LMO1: variants seen among roughly 807,000 people sequenced by gnomAD.
LMO1 encodes the protein LIM domain only 1.
A neutral mutation model predicts 18.0 loss-of-function variants in LMO1; 10 were observed. That is an observed-to-expected ratio of 0.55 (90% CI 0.34 to 0.94). The LOEUF (loss-of-function observed/expected upper bound fraction) is 0.94, where lower values mean the gene tolerates loss of function less well. Among genes scored for constraint, LMO1 ranks in the 40% least tolerant of loss-of-function variants. LMO1 has a pLI of 0.02. For synonymous variants in LMO1, 77 were observed against 77.9 expected, an observed-to-expected ratio of 0.99 and a Z score of 0.06; for missense variants, 183 against 205.7, an observed-to-expected ratio of 0.89 and a Z score of 0.68.
chr11:8,259,954 G>T (rs941759045), intron 1 of LMO1, among the ~76,000 whole-genome samples: 1 of 152,082 alleles, frequency 6.6e-6, no homozygotes, highest in Non-Finnish European at 1.5e-5. Context: ...CTGGTGTTTA[G>T]TTCCACAACC....
At position 8,233,861 on chromosome 11, in the gene LMO1, C is replaced by A. The variant is rs2168101; in HGVS notation, c.26-3357G>T. Among the ~76,000 whole-genome samples, 36,168 of 152,076 alleles carry A rather than the reference C, an allele frequency of 0.24. 5,286 individuals are homozygous for A. Among genetic ancestry groups the A allele is most frequent in the Non-Finnish European group, 0.3 (20,722 of 67,970 alleles). ...CATTTGGGATCCATTTTAGTGTTAT[C>A]TAAAAATCAAATCTACATGGTAATC... On this transcript the variant is annotated intron_variant, in intron 1 of 3. Transcript: ENST00000335790.
At chr11:8,240,806 C>A (rs970436678) in intron 1 of LMO1, among the ~76,000 whole-genome samples, 1 of 152,136 alleles carries the variant, frequency 6.6e-6, no homozygotes, top group African/African-American at 2.4e-5. Flanking sequence ...GACACAAACA[C>A]TCAGATCATA....
At chr11:8,251,207 G>C (rs1846985705) in intron 1 of LMO1, among the ~76,000 whole-genome samples, 1 of 152,178 alleles carries the variant, frequency 6.6e-6, no homozygotes, top group African/African-American at 2.4e-5. Context: ...AATGCAAATG[G>C]GGAAACCAAG....
At chr11:8,257,972 A>G (rs1011546624) in intron 1 of LMO1, among the ~76,000 whole-genome samples, 1 of 152,222 alleles carries the variant, frequency 6.6e-6, no homozygotes, top group Non-Finnish European at 1.5e-5. Flanking sequence ...ACAGTACCTC[A>G]CTTAATCCTG....
intron 1 of LMO1, among the ~76,000 whole-genome samples, chr11:8,255,912 A>G (rs977123103): frequency 5.4e-5 from 7 of 128,936 alleles, no homozygotes; most frequent in South Asian, 4.8e-4. Flanking sequence ...TGCAAGCTCC[A>G]CCTCCTGGGT....
chr11:8,256,131 G>A (rs995111276), intron 1 of LMO1, among the ~76,000 whole-genome samples: 2 of 152,180 alleles, frequency 1.3e-5, no homozygotes, highest in Non-Finnish European at 2.9e-5. Context: ...GGCCAATGCT[G>A]CACTTTTAAG....
chr11:8,240,207 C>T (rs912185149), intron 1 of LMO1, among the ~76,000 whole-genome samples: 2 of 152,218 alleles, frequency 1.3e-5, no homozygotes, highest in South Asian at 4.1e-4. Flanking sequence ...AAAGGTTGGG[C>T]TGCTGATCCC....
chr11:8,263,730 C>G lies in LMO1; in HGVS notation c.-368G>C, dbSNP rs1847229891. On this transcript the variant is annotated 5_prime_UTR_variant, in exon 1 of 4. Transcript: ENST00000335790. The stretch of plus-strand genomic sequence containing the variant: ...GTCTTAATGTAATTGCATTTGATAG[C>G]TCATAACCCTGTCTCTGGCAACGAC... The G allele has an allele frequency of 4.5e-6, 5 of 1,110,014 alleles. No individual in the cohort carries two copies. In the South Asian group the frequency reaches 1.7e-4, roughly 38 times the overall value. 68.8% of individuals were successfully genotyped at this position (1,110,014 alleles called of 1,614,324 possible). A position where few individuals can be genotyped will look rare whatever the true frequency, so the allele number is the denominator to read the frequency against.
upstream of LMO1, among the ~76,000 whole-genome samples, chr11:8,265,482 C>T (rs1847251960): frequency 6.6e-6 from 1 of 152,192 alleles, no homozygotes; most frequent in Non-Finnish European, 1.5e-5. Context: ...AAAAGCGCTG[C>T]TTCTAATGAG....
At chr11:8,255,913 C>T (rs1421280524) in intron 1 of LMO1, among the ~76,000 whole-genome samples, 1 of 149,494 alleles carries the variant, frequency 6.7e-6, no homozygotes, top group Non-Finnish European at 1.5e-5. Flanking sequence ...GCAAGCTCCA[C>T]CTCCTGGGTT....
intron 2 of LMO1, among the ~76,000 whole-genome samples, chr11:8,229,542 C>T (rs776389703): frequency 4.5e-4 from 69 of 152,348 alleles, no homozygotes; most frequent in Non-Finnish European, 7.8e-4. Flanking sequence ...TGGCCTCCTT[C>T]CAGCCTTGCT....
At chr11:8,260,363 T>C (rs1336005987) in intron 1 of LMO1, among the ~76,000 whole-genome samples, 1 of 152,182 alleles carries the variant, frequency 6.6e-6, no homozygotes, top group Non-Finnish European at 1.5e-5. Context: ...TCCATTTCGC[T>C]GACAGGCAGA....
intron 1 of LMO1, among the ~76,000 whole-genome samples, chr11:8,235,329 C>T (rs142136168): frequency 2.6e-4 from 39 of 152,344 alleles, no homozygotes; most frequent in African/African-American, 9.4e-4. Flanking sequence ...TTTCTACCTA[C>T]TTCTACCTAC....
chr11:8,224,555 G>T lies in LMO1; in HGVS notation c.*61C>A. Reference sequence around the variant, plus strand: ...GCACTGGTAGAGTGGCTGGCTGGCCGGCCAGGCAGGTGGGCAGGCGGGCAG... The same window carrying T: ...GCACTGGTAGAGTGGCTGGCTGGCCTGCCAGGCAGGTGGGCAGGCGGGCAG... On this transcript the variant is annotated 3_prime_UTR_variant, in exon 4 of 4. Coordinates refer to ENST00000335790, the MANE Select transcript of LMO1 (RefSeq NM_002315.3). The T allele has an allele frequency of 9.5e-7, 1 of 1,056,514 alleles. No individual in the cohort carries two copies. Among genetic ancestry groups the T allele is most frequent in the Non-Finnish European group, 1.4e-6 (1 of 707,236 alleles). The allele number at this position is 1,056,514 out of a possible 1,614,324, so 65.4% of individuals were successfully genotyped here. A position where few individuals can be genotyped will look rare whatever the true frequency, so the allele number is the denominator to read the frequency against.
At chr11:8,244,510 T>G (rs2134556395) in intron 1 of LMO1, among the ~76,000 whole-genome samples, 1 of 152,352 alleles carries the variant, frequency 6.6e-6, no homozygotes, top group Admixed American at 6.5e-5. Flanking sequence ...TAGCAGCACA[T>G]AAACAATTTA....
At chr11:8,224,780 G>A in intron 3 of LMO1, 59 bp from the exon 4 acceptor site, 1 of 1,113,158 alleles carries the variant, frequency 9.0e-7, no homozygotes. Flanking sequence ...TAAGGGGGGG[G>A]CTGCAGACAG....
intron 1 of LMO1, among the ~76,000 whole-genome samples, chr11:8,249,939 G>T (rs745619691): frequency 1.3e-5 from 2 of 151,950 alleles, no homozygotes; most frequent in Non-Finnish European, 2.9e-5. Context: ...CAAAACTGAG[G>T]ATTTTTCATC....
At chr11:8,261,615 A>G (rs1182979746) in intron 1 of LMO1, among the ~76,000 whole-genome samples, 1 of 152,124 alleles carries the variant, frequency 6.6e-6, no homozygotes, top group Non-Finnish European at 1.5e-5. Flanking sequence ...TGAACCTTGC[A>G]TGCTCCCCAT....
At position 8,224,566 on chromosome 11, in the gene LMO1, T is replaced by C. The variant is rs769926408; in HGVS notation, c.*50A>G. The stretch of plus-strand genomic sequence containing the variant: ...GTGGCTGGCTGGCCGGCCAGGCAGG[T>C]GGGCAGGCGGGCAGATGGACAGACG... On this transcript the variant is annotated 3_prime_UTR_variant, in exon 4 of 4. Transcript: ENST00000335790. 27 of 1,180,088 alleles carry C rather than the reference T, an allele frequency of 2.3e-5. No homozygotes were observed. The highest frequency in any genetic ancestry group is 3.3e-5 in the Non-Finnish European group (27 of 820,244). The allele number at this position is 1,180,088 out of a possible 1,614,324, so 73.1% of individuals were successfully genotyped here. A position where few individuals can be genotyped will look rare whatever the true frequency, so the allele number is the denominator to read the frequency against.
Sources: gnomAD v4.1 joint callset for allele counts (sites outside exome capture counted in the v4.1 genomes callset) on GRCh38, gnomAD v4.1.1 for gene constraint, MANE v1.5 for transcripts, NCBI Gene and HGNC (gene_info 2026-07-23, HGNC 2026-07-21) for gene names.